The following RPS6KA5 variants were observed in gnomAD, a reference collection of about 807,000 sequenced individuals.
RPS6KA5 encodes the protein ribosomal protein S6 kinase alpha-5.
RPS6KA5 carries 27 observed loss-of-function variants against 85.5 expected under a neutral mutation model. The ratio of observed to expected loss-of-function variants is 0.32; its 90% CI spans 0.23 to 0.44. RPS6KA5 has a LOEUF of 0.44. Ranked by LOEUF, RPS6KA5 falls within the 20% of genes least tolerant of loss-of-function variation. The probability of loss-of-function intolerance (pLI) is 1.00; values close to 1 mark genes in which losing one functional copy is unlikely to be tolerated. For synonymous variants in RPS6KA5, 334 were observed against 348.2 expected (o/e 0.96, Z 0.46); for missense variants, 811 against 980.9 (o/e 0.83, Z 2.31).
chr14:90,989,081 T>C (rs141130656), intron 2 of RPS6KA5, among the ~76,000 whole-genome samples: 284 of 152,270 alleles, frequency 1.9e-3, no homozygotes, highest in African/African-American at 6.3e-3. Context: ...CTAAATAATT[T>C]TGTTTTTTCA....
At chr14:91,049,605 ACT>A (rs544058744) in intron 1 of RPS6KA5, among the ~76,000 whole-genome samples, 57 of 151,988 alleles carry the variant, frequency 3.8e-4, no homozygotes, top group Non-Finnish European at 6.3e-4. Flanking sequence ...ACAGAGCAAG[ACT>A]CTGTCTCAAA....
intron 14 of RPS6KA5, among the ~76,000 whole-genome samples, chr14:90,877,255 T>G (rs2033539303): frequency 6.6e-6 from 1 of 152,210 alleles, no homozygotes; most frequent in Admixed American, 6.5e-5. Flanking sequence ...CCTCAGTTTC[T>G]AATCTGGAGC....
chr14:91,041,689 C>T (rs1199192386), intron 1 of RPS6KA5, among the ~76,000 whole-genome samples: 1 of 152,196 alleles, frequency 6.6e-6, no homozygotes, highest in African/African-American at 2.4e-5. Flanking sequence ...TGTGGTTGGG[C>T]CTCAAACCGT....
At chr14:90,991,012 A>ACC (rs1011139563) in intron 2 of RPS6KA5, among the ~76,000 whole-genome samples, 1 of 152,088 alleles carries the variant, frequency 6.6e-6, no homozygotes, top group Non-Finnish European at 1.5e-5. Flanking sequence ...CTGAACATGT[A>ACC]CCCCCAAACC....
intron 1 of RPS6KA5, among the ~76,000 whole-genome samples, chr14:91,042,954 C>T (rs2042661071): frequency 6.6e-6 from 1 of 152,140 alleles, no homozygotes; most frequent in African/African-American, 2.4e-5. Context: ...GGCTAAGTCC[C>T]TCTCTTTAAT....
In RPS6KA5 at chr14:91,030,501, C is replaced by G. The variant is rs1487065749; in HGVS notation, c.104-29342G>C. Among the ~76,000 whole-genome samples, 9 of 150,432 alleles carry G rather than the reference C, an allele frequency of 6.0e-5. No individual in the cohort carries two copies. In the Admixed American group the frequency reaches 6.0e-4, roughly 10 times the overall value. ...AAACTATACCATGTAAGCCTCCAGC[C>G]AGCAAGACAGAGTTTCTAACCAGCA... On this transcript the variant is annotated intron_variant, in intron 1 of 16. Coordinates refer to ENST00000614987, the MANE Select transcript of RPS6KA5 (RefSeq NM_004755.4).
At chr14:90,927,750 C>A (rs1290984892) in intron 5 of RPS6KA5, among the ~76,000 whole-genome samples, 1 of 151,878 alleles carries the variant, frequency 6.6e-6, no homozygotes, top group Non-Finnish European at 1.5e-5. Context: ...GACAAATCCA[C>A]AATCATCATG....
chr14:90,885,576 AAAAAAAAAAAAAAAAAT>A, intron 14 of RPS6KA5, among the ~76,000 whole-genome samples: 1 of 80,538 alleles, frequency 1.2e-5, no homozygotes, highest in Non-Finnish European at 2.9e-5. Context: ...AAAAAAAAAA[AAAAAAAAAAAAAAAAAT>A]TAGACGGGCG....
At chr14:91,052,386 T>G (rs1326529905) in intron 1 of RPS6KA5, 1 of 391,844 alleles carries the variant, frequency 2.6e-6, no homozygotes, top group Non-Finnish European at 4.9e-6. Flanking sequence ...GAGAATCACT[T>G]GAACCCAGGA....
intron 2 of RPS6KA5, among the ~76,000 whole-genome samples, chr14:90,981,873 T>C (rs2039803135): frequency 6.6e-6 from 1 of 152,256 alleles, no homozygotes; most frequent in African/African-American, 2.4e-5. Flanking sequence ...AACTAAAACA[T>C]AGTTGCCTCC....
chr14:90,936,508 G>A (rs1211791212), intron 5 of RPS6KA5, among the ~76,000 whole-genome samples: 3 of 152,062 alleles, frequency 2.0e-5, no homozygotes, highest in Non-Finnish European at 4.4e-5. Flanking sequence ...AAGTTGCAGT[G>A]AGCCGATCTT....
chr14:90,895,710 A>G (rs2034800606), intron 12 of RPS6KA5, among the ~76,000 whole-genome samples: 1 of 152,176 alleles, frequency 6.6e-6, no homozygotes, highest in Non-Finnish European at 1.5e-5. Context: ...ACATAGTGAG[A>G]CCTCATCTCT....
intron 2 of RPS6KA5, among the ~76,000 whole-genome samples, chr14:90,994,928 C>G (rs901286089): frequency 1.3e-5 from 2 of 152,168 alleles, no homozygotes; most frequent in Middle Eastern, 3.4e-3. Flanking sequence ...TTGCTATTTC[C>G]TTAAGATCTA....
At chr14:90,910,839 C>T (rs1295479377) in intron 7 of RPS6KA5, among the ~76,000 whole-genome samples, 1 of 152,012 alleles carries the variant, frequency 6.6e-6, no homozygotes, top group African/African-American at 2.4e-5. Context: ...GCGCCCTCCA[C>T]CACGCCCGGC....
chr14:91,049,518 G>T (rs2042987926), intron 1 of RPS6KA5, among the ~76,000 whole-genome samples: 1 of 152,182 alleles, frequency 6.6e-6, no homozygotes, highest in Non-Finnish European at 1.5e-5. Flanking sequence ...GGGAGGCTGA[G>T]GCAGGAGAAT....
Position 90,847,955 on chromosome 14 carries a change from T to C in RPS6KA5, c.*24119A>G, listed in dbSNP as rs2031800548. 1 of 152,244 alleles carries C rather than the reference T, an allele frequency of 6.6e-6. No individual in the cohort carries two copies. Among genetic ancestry groups the C allele is most frequent in the Non-Finnish European group, 1.5e-5 (1 of 68,052 alleles). 9.4% of individuals were successfully genotyped at this position (152,244 alleles called of 1,614,324 possible). ...TGGTAAAAAGTAAGCCCTTACTGCT[T>C]TGTTAAAAATAAAACCCATACATAA... On this transcript the variant is annotated 3_prime_UTR_variant, in exon 17 of 17. Transcript: ENST00000614987.
chr14:91,052,432 C>T (rs2043125320), intron 1 of RPS6KA5: 1 of 310,052 alleles, frequency 3.2e-6, no homozygotes, highest in African/African-American at 2.5e-5. Flanking sequence ...CAGCACCACA[C>T]TCCAGCCTGG....
chr14:90,876,307 T>C lies in RPS6KA5; in HGVS notation c.1837-947A>G, dbSNP rs558312457. On this transcript the variant is annotated intron_variant, in intron 14 of 16. Transcript: ENST00000614987. ...TTTCCACCATCCTTTCCCCAGGACATGTAACTATGGTTAAGGACTTGAAAA... is the reference window on the plus strand; with the variant it reads ...TTTCCACCATCCTTTCCCCAGGACACGTAACTATGGTTAAGGACTTGAAAA... 8.1e-5 allele frequency among the ~76,000 whole-genome samples: 12 copies of C among 148,492 alleles called. No individual in the cohort carries two copies. In the South Asian group the frequency reaches 2.1e-3, roughly 26 times the overall value.
rs2140108552 is a variant in RPS6KA5, at chr14:90,859,336, T to TA, written c.*12737dup. On this transcript the variant is annotated 3_prime_UTR_variant, in exon 17 of 17. Coordinates refer to ENST00000614987, the MANE Select transcript of RPS6KA5 (RefSeq NM_004755.4). ...AATGTATGACATTTCACCAAACTTA[T>TA]AAGGCATGCTAAAAAACAGCACCAA... is the stretch of plus-strand genomic sequence containing the variant. The TA allele has an allele frequency of 1.3e-5, 2 of 152,230 alleles. No individual in the cohort carries two copies. Among genetic ancestry groups the TA allele is most frequent in the East Asian group, 3.9e-4 (2 of 5,182 alleles). 9.4% of individuals were successfully genotyped at this position (152,230 alleles called of 1,614,324 possible).
Sources: allele counts gnomAD v4.1 joint callset (sites outside exome capture counted in the v4.1 genomes callset), GRCh38; gene constraint gnomAD v4.1.1; transcripts MANE v1.5; gene names NCBI Gene and HGNC (gene_info 2026-07-23, HGNC 2026-07-21).